The following MARCO variants were observed in gnomAD, a reference collection of about 807,000 sequenced individuals.
MARCO encodes macrophage receptor MARCO.
A neutral mutation model predicts 70.0 loss-of-function variants in MARCO; 72 were observed. The ratio of observed to expected loss-of-function variants is 1.03; its 90% CI spans 0.85 to 1.25. The LOEUF (loss-of-function observed/expected upper bound fraction) is 1.25, where lower values mean the gene tolerates loss of function less well. MARCO is among the 50% of genes most tolerant of loss of function. The probability of loss-of-function intolerance (pLI) is 0.00; values close to 1 mark genes in which losing one functional copy is unlikely to be tolerated. For synonymous variants in MARCO, 273 were observed against 243.1 expected, an observed-to-expected ratio of 1.12 and a Z score of -1.14; for missense variants, 696 against 659.3, an observed-to-expected ratio of 1.06 and a Z score of -0.61.
chr2:118,971,937 C>T (rs1680180246), intron 4 of MARCO, among the ~76,000 whole-genome samples: 1 of 152,338 alleles, frequency 6.6e-6, no homozygotes, highest in South Asian at 2.1e-4. Flanking sequence ...TGTCTCACTC[C>T]TCTCTCCTAC....
At chr2:118,954,023 TA>T (rs1679779171) in intron 1 of MARCO, among the ~76,000 whole-genome samples, 1 of 152,166 alleles carries the variant, frequency 6.6e-6, no homozygotes, top group Non-Finnish European at 1.5e-5. Context: ...AAGGATTCTC[TA>T]GCTGAACTTT....
At chr2:118,942,759 G>A (rs1439041658) in intron 1 of MARCO, among the ~76,000 whole-genome samples, 1 of 152,090 alleles carries the variant, frequency 6.6e-6, no homozygotes, top group Non-Finnish European at 1.5e-5. Flanking sequence ...GGCACTGAAA[G>A]GGGACCACAA....
At chr2:118,977,101 G>T (rs1318718387) in intron 6 of MARCO, among the ~76,000 whole-genome samples, 1 of 152,188 alleles carries the variant, frequency 6.6e-6, no homozygotes, top group Non-Finnish European at 1.5e-5. Context: ...CATCTTGCCA[G>T]ATGGGATTAA....
chr2:118,950,730 C>A (rs555866940), intron 1 of MARCO, among the ~76,000 whole-genome samples: 1 of 152,250 alleles, frequency 6.6e-6, no homozygotes, highest in African/African-American at 2.4e-5. Context: ...CTTTAAACAA[C>A]CAGTTAATTT....
intron 1 of MARCO, among the ~76,000 whole-genome samples, chr2:118,952,095 T>A (rs1256710307): frequency 6.6e-6 from 1 of 152,146 alleles, no homozygotes; most frequent in Non-Finnish European, 1.5e-5. Context: ...TTCTTACCCC[T>A]TTCTTACCTC....
At chr2:118,976,617 C>T (rs756736299) in intron 6 of MARCO, among the ~76,000 whole-genome samples, 3 of 152,166 alleles carry the variant, frequency 2.0e-5, no homozygotes, top group Admixed American at 6.5e-5. Context: ...TGGGAATCAC[C>T]GTTTCTCAAT....
At chr2:118,993,420 A>G (rs2104616814) in intron 16 of MARCO, 120 bp downstream of exon 16, 1 of 1,004,206 alleles carries the variant, frequency 1.0e-6, no homozygotes, top group South Asian at 1.6e-5. Context: ...TATTGGTCCA[A>G]GCAACCAAAA....
At chr2:118,988,845 C>T (rs1447249229) in intron 12 of MARCO, among the ~76,000 whole-genome samples, 1 of 152,100 alleles carries the variant, frequency 6.6e-6, no homozygotes, top group Non-Finnish European at 1.5e-5. Flanking sequence ...GCCTGAGGTG[C>T]TCCCCACCTG....
intron 1 of MARCO, among the ~76,000 whole-genome samples, chr2:118,963,550 G>A (rs1295881217): frequency 6.6e-6 from 1 of 151,980 alleles, no homozygotes; most frequent in Admixed American, 6.6e-5. Context: ...TCCTTGAAAA[G>A]GATGTACATT....
intron 6 of MARCO, among the ~76,000 whole-genome samples, chr2:118,975,207 A>C (rs1463705071): frequency 6.6e-6 from 1 of 152,186 alleles, no homozygotes; most frequent in Non-Finnish European, 1.5e-5. Context: ...CCCAGGGACA[A>C]ACCCAAACAT....
At chr2:118,985,405 C>T (rs1288605827) in intron 12 of MARCO, among the ~76,000 whole-genome samples, 1 of 152,170 alleles carries the variant, frequency 6.6e-6, no homozygotes, top group African/African-American at 2.4e-5. Context: ...CCACACTCTA[C>T]CCCATTCAGG....
At position 118,942,248 on chromosome 2, in the gene MARCO, G is replaced by C; in HGVS notation, c.-53G>C. ...GATCTTTCTCCAAGTGGTTCCTCTTGAGGGGAGCATTTCTGCTGGCTCCAG... is the reference window on the plus strand; with the variant it reads ...GATCTTTCTCCAAGTGGTTCCTCTTCAGGGGAGCATTTCTGCTGGCTCCAG... On this transcript the variant is annotated 5_prime_UTR_variant, in exon 1 of 17. Transcript: ENST00000327097. 2.5e-6 allele frequency: 3 copies of C among 1,216,594 alleles called. No homozygotes were observed. Among genetic ancestry groups the C allele is most frequent in the Middle Eastern group, 1.9e-4 (1 of 5,308 alleles). The allele number at this position is 1,216,594 out of a possible 1,614,324, so 75.4% of individuals were successfully genotyped here.
intron 4 of MARCO, among the ~76,000 whole-genome samples, chr2:118,973,587 C>T (rs1307677891): frequency 6.6e-6 from 1 of 152,170 alleles, no homozygotes; most frequent in African/African-American, 2.4e-5. Context: ...CTTGCCTTGC[C>T]TGGTCAAGAC....
chr2:118,992,857 T>C (rs945046101), intron 15 of MARCO, among the ~76,000 whole-genome samples: 1 of 150,664 alleles, frequency 6.6e-6, no homozygotes, highest in African/African-American at 2.4e-5. Context: ...CCACAACACA[T>C]GACAAGACGT....
chr2:118,981,591 A>G (rs200606943), intron 9 of MARCO, 30 bp from the exon 10 acceptor site: 2 of 1,610,876 alleles, frequency 1.2e-6, no homozygotes, highest in East Asian at 4.5e-5. Flanking sequence ...AAAGGAAAAA[A>G]AAATTCCTAA....
intron 8 of MARCO, 111 bp downstream of exon 8, chr2:118,978,046 C>T: frequency 1.5e-6 from 1 of 660,766 alleles, no homozygotes; most frequent in Non-Finnish European, 2.7e-6. Context: ...AGGCAGTGCT[C>T]TGTCTATGGG....
intron 14 of MARCO, among the ~76,000 whole-genome samples, chr2:118,992,187 G>A (rs541452084): frequency 3.4e-4 from 52 of 152,252 alleles, no homozygotes; most frequent in African/African-American, 1.1e-3. Flanking sequence ...CCATATCTCT[G>A]ACCAGACCAA....
chr2:118,947,480 T>C (rs1044887576), intron 1 of MARCO, among the ~76,000 whole-genome samples: 5 of 152,176 alleles, frequency 3.3e-5, no homozygotes, highest in African/African-American at 1.2e-4. Context: ...CTGCCCGTGA[T>C]CCATTTTGAA....
At chr2:118,957,453 C>A (rs1160739371) in intron 1 of MARCO, among the ~76,000 whole-genome samples, 3 of 151,758 alleles carry the variant, frequency 2.0e-5, no homozygotes, top group African/African-American at 7.3e-5. Context: ...AATTAGATAC[C>A]CTGAACAGAC....
Sources: gnomAD v4.1 joint callset for allele counts (sites outside exome capture counted in the v4.1 genomes callset) on GRCh38, gnomAD v4.1.1 for gene constraint, MANE v1.5 for transcripts, NCBI Gene and HGNC (gene_info 2026-07-23, HGNC 2026-07-21) for gene names.